Variants in SMURF1 observed in about 807,000 individuals in gnomAD.
SMURF1 encodes the protein SMAD specific E3 ubiquitin protein ligase 1, also known as E3 ubiquitin-protein ligase SMURF1.
In SMURF1, 44 loss-of-function variants were observed where a neutral mutation model predicts 98.0. The observed-to-expected ratio is 0.45, with a 90% CI of 0.35 to 0.58. The LOEUF (loss-of-function observed/expected upper bound fraction) is 0.58. Ranked by LOEUF, SMURF1 falls within the 20% of genes least tolerant of loss-of-function variation. SMURF1 has a pLI of 0.00. For synonymous variants in SMURF1, 396 were observed against 374.9 expected, an observed-to-expected ratio of 1.06 and a Z score of -0.65; for missense variants, 687 against 938.4, an observed-to-expected ratio of 0.73 and a Z score of 3.50.
chr7:99,127,632 C>T (rs1797775272), intron 1 of SMURF1, among the ~76,000 whole-genome samples: 1 of 152,164 alleles, frequency 6.6e-6, no homozygotes, highest in African/African-American at 2.4e-5. Context: ...CACAATCACC[C>T]TTTTATACCA....
At chr7:99,122,749 T>G in intron 1 of SMURF1, among the ~76,000 whole-genome samples, 1 of 47,206 alleles carries the variant, frequency 2.1e-5, no homozygotes, top group African/African-American at 5.0e-5. Flanking sequence ...TTCTTTCTTT[T>G]TTTTTTTTTT....
intron 1 of SMURF1, among the ~76,000 whole-genome samples, chr7:99,096,252 T>C (rs1249596487): frequency 1.3e-5 from 2 of 152,186 alleles, no homozygotes; most frequent in Admixed American, 1.3e-4. Context: ...GCAAAGGTTT[T>C]GAAAACAAGT....
At chr7:99,055,196 G>A (rs183430127) in intron 5 of SMURF1, among the ~76,000 whole-genome samples, 174 of 152,096 alleles carry the variant, frequency 1.1e-3, no homozygotes, top group African/African-American at 3.6e-3. Context: ...GGCCAGGCAC[G>A]GTGGCTCATG....
intron 1 of SMURF1, among the ~76,000 whole-genome samples, chr7:99,076,825 ACGTGTGCC>A (rs1220863359): frequency 7.1e-6 from 1 of 141,436 alleles, no homozygotes; most frequent in Non-Finnish European, 1.6e-5. Flanking sequence ...GCATGTGTGC[ACGTGTGCC>A]CATGTGTATG....
chr7:99,056,610 C>T (rs1466036656), intron 5 of SMURF1, among the ~76,000 whole-genome samples: 2 of 152,078 alleles, frequency 1.3e-5, no homozygotes, highest in Admixed American at 1.3e-4. Context: ...ATAATACGGT[C>T]AAAAATGTAT....
At chr7:99,085,193 A>T (rs1490333476) in intron 1 of SMURF1, among the ~76,000 whole-genome samples, 1 of 151,966 alleles carries the variant, frequency 6.6e-6, no homozygotes, top group Non-Finnish European at 1.5e-5. Flanking sequence ...TCTACTAAAA[A>T]TACAAAAAAA....
intron 1 of SMURF1, among the ~76,000 whole-genome samples, chr7:99,092,582 A>C (rs1185467365): frequency 2.0e-5 from 3 of 152,152 alleles, no homozygotes; most frequent in Non-Finnish European, 2.9e-5. Context: ...TTCATGGTCT[A>C]TTTAGTGCCA....
chr7:99,040,628 C>A, intron 12 of SMURF1, 72 bp from the exon 13 acceptor site: 1 of 1,325,358 alleles, frequency 7.5e-7, no homozygotes, highest in Non-Finnish European at 9.8e-7. Context: ...GTGCTGTCCC[C>A]AAGCTTCTTG....
At chr7:99,060,378 CAAA>C (rs11340949) in intron 3 of SMURF1, among the ~76,000 whole-genome samples, 15 of 92,490 alleles carry the variant, frequency 1.6e-4, no homozygotes, top group Non-Finnish European at 2.5e-4. Flanking sequence ...GACTCCGTCT[CAAA>C]AAAAAAAAAA....
chr7:99,054,546 T>C lies in SMURF1; in HGVS notation c.479+244A>G, dbSNP rs1795835911. Among the ~76,000 whole-genome samples, 1 of 152,140 alleles carries C rather than the reference T, an allele frequency of 6.6e-6. No individual in the cohort carries two copies. Among genetic ancestry groups the C allele is most frequent in the South Asian group, 2.1e-4 (1 of 4,826 alleles). The stretch of plus-strand genomic sequence containing the variant: ...TGGTCTCAATCTCCTGACCTCGTGA[T>C]CCACCTGCCTCGGCCTCCCAAACTG... On this transcript the variant is annotated intron_variant, in intron 6 of 17. Transcript: ENST00000361368.
intron 1 of SMURF1, among the ~76,000 whole-genome samples, chr7:99,123,545 AATAGATAG>A (rs1373990904): frequency 6.6e-6 from 1 of 152,142 alleles, no homozygotes; most frequent in African/African-American, 2.4e-5. Flanking sequence ...AATATTTCAA[AATAGATAG>A]ATAGATAAAT....
intron 1 of SMURF1, among the ~76,000 whole-genome samples, chr7:99,077,410 G>A (rs1563018943): frequency 1.3e-5 from 2 of 150,854 alleles, no homozygotes; most frequent in African/African-American, 2.4e-5. Flanking sequence ...TCAGCTCAGT[G>A]CAACCTCTGC....
At chr7:99,116,466 C>T (rs1462176108) in intron 1 of SMURF1, among the ~76,000 whole-genome samples, 3 of 152,112 alleles carry the variant, frequency 2.0e-5, no homozygotes, top group African/African-American at 7.2e-5. Context: ...ATAGAAAACC[C>T]TAAAGAATCC....
intron 1 of SMURF1, among the ~76,000 whole-genome samples, chr7:99,079,468 T>C (rs76898776): frequency 1.3e-5 from 2 of 152,128 alleles, no homozygotes; most frequent in African/African-American, 4.8e-5. Context: ...CATTCAACAT[T>C]TACAAGAAGT....
chr7:99,141,706 T>C (rs1285442835), intron 1 of SMURF1, among the ~76,000 whole-genome samples: 1 of 152,198 alleles, frequency 6.6e-6, no homozygotes, highest in African/African-American at 2.4e-5. Flanking sequence ...AGTTGGGCCA[T>C]GCAACAACTA....
rs375681273 is a variant in SMURF1 at position 99,035,549 on chromosome 7, C to T, written c.1977G>A (p.Thr659=). Residue 659 remains threonine (T), a synonymous_variant, in exon 16 of 18, where the codon ACG becomes ACA. Transcript: ENST00000361368. ...CCTTGAAGCCTTGGAGCGGGACTCGCGTGGACCCAGTCACAAACTGCAGGA... is the reference window on the plus strand; with the variant it reads ...CCTTGAAGCCTTGGAGCGGGACTCGTGTGGACCCAGTCACAAACTGCAGGA... ...ARLLQFVTGS[T]RVPLQGFKAL... 68 of 1,614,236 alleles carry T rather than the reference C, an allele frequency of 4.2e-5. No individual in the cohort carries two copies. The highest frequency in any genetic ancestry group is 5.3e-5 in the Non-Finnish European group (63 of 1,180,044).
In SMURF1 at chr7:99,031,643, C is replaced by T. The variant is rs184323855; in HGVS notation, c.2097-960G>A. 9.2e-5 allele frequency among the ~76,000 whole-genome samples: 14 copies of T among 152,312 alleles called. No individual in the cohort carries two copies. The East Asian group carries it at 1.2e-3, about 13-fold the overall frequency. ...CAACATGGTGCGTTCCCGTAATGGACGCCACAGCCATGCTTGGAGCAGGAC... is the reference window on the plus strand; with the variant it reads ...CAACATGGTGCGTTCCCGTAATGGATGCCACAGCCATGCTTGGAGCAGGAC... On this transcript the variant is annotated intron_variant, in intron 17 of 17. Transcript: ENST00000361368.
intron 13 of SMURF1, among the ~76,000 whole-genome samples, chr7:99,038,924 C>T (rs1017741010): frequency 3.9e-5 from 6 of 151,994 alleles, no homozygotes; most frequent in African/African-American, 1.2e-4. Flanking sequence ...CCAGGTACAG[C>T]GGCTTACACC....
chr7:99,033,213 A>G (rs1479725943), intron 16 of SMURF1, 92 bp from the exon 17 acceptor site: 11 of 1,272,038 alleles, frequency 8.6e-6, no homozygotes, highest in Admixed American at 6.2e-5. Flanking sequence ...CCCTGACCAC[A>G]TTCCCACCCC....
Sources: gnomAD v4.1 joint callset for allele counts (sites outside exome capture counted in the v4.1 genomes callset) on GRCh38, gnomAD v4.1.1 for gene constraint, MANE v1.5 for transcripts, NCBI Gene and HGNC (gene_info 2026-07-23, HGNC 2026-07-21) for gene names.